Variants in ASS1 observed in about 807,000 individuals in gnomAD.
ASS1 encodes argininosuccinate synthase 1.
ASS1 carries 58 observed loss-of-function variants against 60.5 expected under a neutral mutation model. The observed-to-expected ratio is 0.96, with a 90% CI of 0.78 to 1.19. ASS1 has a LOEUF of 1.19. Ranked by LOEUF, ASS1 falls within the 50% of genes most tolerant of loss-of-function variation. The pLI, the probability that ASS1 is intolerant of heterozygous loss-of-function variation, is 0.00. For missense variants in ASS1, 454 were observed against 547.3 expected (o/e 0.83, Z 1.70); for synonymous variants, 200 against 206.9 (o/e 0.97, Z 0.29).
chr9:130,453,904 G>A (rs1845379262), intron 2 of ASS1, among the ~76,000 whole-genome samples: 1 of 152,246 alleles, frequency 6.6e-6, no homozygotes, highest in African/African-American at 2.4e-5. Context: ...AGGGAGGAGA[G>A]CTGGAGGCTA....
chr9:130,499,600 C>T (rs1846691026), intron 14 of ASS1, 30 bp downstream of exon 14: 2 of 1,599,240 alleles, frequency 1.3e-6, no homozygotes, highest in Non-Finnish European at 1.7e-6. Flanking sequence ...GACGGGCCTT[C>T]AGAGCCTCCA....
chr9:130,457,417 G>C (rs750354816), intron 3 of ASS1, among the ~76,000 whole-genome samples: 3 of 152,096 alleles, frequency 2.0e-5, no homozygotes, highest in Non-Finnish European at 4.4e-5. Context: ...GCTGCAGTGA[G>C]CTAGGATCAC....
chr9:130,493,112 G>A (rs976997265), intron 12 of ASS1, among the ~76,000 whole-genome samples: 4 of 152,118 alleles, frequency 2.6e-5, no homozygotes, highest in Non-Finnish European at 5.9e-5. Flanking sequence ...TGGGGGGCTG[G>A]GAGAACATCA....
In ASS1 at chr9:130,470,854, G is replaced by A. The variant is rs139581143; in HGVS notation, c.516G>A (p.Pro172=). 1.8e-5 allele frequency: 29 copies of A among 1,613,898 alleles called. No individual in the cohort carries two copies. Among genetic ancestry groups the A allele is most frequent in the African/African-American group, 2.7e-5 (2 of 74,870 alleles). ...TGCAGCAACACGGGATTCCCATCCCGGTCACTCCCAAGAACCCGTGGAGCA... is the reference window on the plus strand; with the variant it reads ...TGCAGCAACACGGGATTCCCATCCCAGTCACTCCCAAGAACCCGTGGAGCA... The part of the protein sequence containing the change: ...EYAKQHGIPI[P]VTPKNPWSMD... Residue 172 remains proline, a synonymous_variant, in exon 7 of 15, where the codon CCG becomes CCA. Coordinates refer to ENST00000352480, the MANE Select transcript of ASS1 (RefSeq NM_054012.4). The surrounding 1 kb of genome is among the most constrained non-coding windows in gnomAD (Gnocchi z 4.3).
In ASS1 at chr9:130,489,902, G is replaced by A. The variant is rs1846408209; in HGVS notation, c.970+438G>A. 6.6e-6 allele frequency among the ~76,000 whole-genome samples: 1 copy of A among 152,230 alleles called. No homozygotes were observed. Among genetic ancestry groups the A allele is most frequent in the Admixed American group, 6.5e-5 (1 of 15,290 alleles). On this transcript the variant is annotated intron_variant, in intron 12 of 14. Coordinates refer to ENST00000352480, the MANE Select transcript of ASS1 (RefSeq NM_054012.4). The surrounding 1 kb of genome is among the most constrained non-coding windows in gnomAD (Gnocchi z 4.1). ...CATAAAACCAGAAGTGGCCTAGCTG[G>A]GTTTGACCCCCAAGTCAGGCTGTCT...
At chr9:130,493,559 C>G (rs1289387519) in intron 12 of ASS1, among the ~76,000 whole-genome samples, 6 of 152,196 alleles carry the variant, frequency 3.9e-5, no homozygotes, top group African/African-American at 1.4e-4. Context: ...TCCCCTTTCC[C>G]ACGGAGGACC....
At position 130,480,449 on chromosome 9, in the gene ASS1, G is replaced by A. The variant is rs767470664; in HGVS notation, c.838G>A (p.Gly280Ser). ...ENRFIGMKSR[G>S]IYETPAGTIL... ...CCGCTTCATTGGAATGAAGTCCCGA[G>A]GTGAGTCTGCTCAGCCTCCCTCAGG... Residue 280 changes from glycine to serine, a missense_variant and splice_region_variant, in exon 11 of 15, where the codon GGT becomes AGT. Physicochemically the swap from Gly to Ser is moderately conservative, Grantham distance 56. Coordinates refer to ENST00000352480, the MANE Select transcript of ASS1 (RefSeq NM_054012.4). 2.5e-6 allele frequency: 4 copies of A among 1,614,006 alleles called. No individual in the cohort carries two copies. The highest frequency in any genetic ancestry group is 3.4e-6 in the Non-Finnish European group (4 of 1,180,006).
At chr9:130,473,461 G>C (rs973375535) in intron 8 of ASS1, among the ~76,000 whole-genome samples, 1 of 151,366 alleles carries the variant, frequency 6.6e-6, no homozygotes, top group Non-Finnish European at 1.5e-5. Context: ...CCTGCTGAGA[G>C]GCCCGGGGCA....
At chr9:130,482,315 G>T (rs1199659015) in intron 11 of ASS1, among the ~76,000 whole-genome samples, 4 of 149,482 alleles carry the variant, frequency 2.7e-5, no homozygotes, top group Admixed American at 6.6e-5. Flanking sequence ...TCTGGGAGCT[G>T]TCAGTGTGGC....
intron 1 of ASS1, among the ~76,000 whole-genome samples, chr9:130,445,878 C>T (rs1394312487): frequency 5.3e-5 from 8 of 152,230 alleles, no homozygotes; most frequent in African/African-American, 1.2e-4. Flanking sequence ...GACCTGTTCT[C>T]TCCCCAGGGG....
At position 130,488,328 on chromosome 9, in the gene ASS1, T is replaced by C. The variant is rs1208147034; in HGVS notation, c.839-1005T>C. Among the ~76,000 whole-genome samples the C allele has an allele frequency of 2.6e-5, 4 of 152,220 alleles. No individual in the cohort carries two copies. The East Asian group carries it at 7.7e-4, about 29-fold the overall frequency. On this transcript the variant is annotated intron_variant, in intron 11 of 14. Coordinates refer to ENST00000352480, the MANE Select transcript of ASS1 (RefSeq NM_054012.4). This position sits in a 1 kb window ranked among gnomAD's most constrained non-coding sequence, Gnocchi z 5.2. ...AAGGAAGCTCTCGGGGTAGAATCCA[T>C]GGAGATGGGGGAGCTATGGCCCCTG...
chr9:130,444,711 G>C (rs1270038934), upstream of ASS1, among the ~76,000 whole-genome samples: 1 of 151,928 alleles, frequency 6.6e-6, no homozygotes, highest in African/African-American at 2.4e-5. The surrounding 1 kb of genome is among the most constrained non-coding windows in gnomAD (Gnocchi z 4.7). Context: ...GCCCCCGCCG[G>C]CGCGCCCCTG....
intron 7 of ASS1, among the ~76,000 whole-genome samples, chr9:130,471,213 T>C (rs1180624508): frequency 6.6e-6 from 1 of 152,030 alleles, no homozygotes. Flanking sequence ...GGGAAGAGTG[T>C]TTAAGGCAGA....
chr9:130,449,635 T>TTC lies in ASS1; in HGVS notation c.-5-2589_-5-2588insTC, dbSNP rs367983254. Among the ~76,000 whole-genome samples the TTC allele has an allele frequency of 2.0e-5, 3 of 152,096 alleles. 1 individual carries two copies. Among genetic ancestry groups the TTC allele is most frequent in the African/African-American group, 7.2e-5 (3 of 41,412 alleles). ...GCAGGGGGTTAAGGAGCCGAGCTGA[T>TTC]CTGAGTTGGAGTCCTGGCTCTGCTG... is the stretch of plus-strand genomic sequence containing the variant. On this transcript the variant is annotated intron_variant, in intron 1 of 14. Transcript: ENST00000352480.
At chr9:130,482,054 T>G (rs1846186244) in intron 11 of ASS1, among the ~76,000 whole-genome samples, 1 of 151,938 alleles carries the variant, frequency 6.6e-6, no homozygotes, top group African/African-American at 2.4e-5. Context: ...CATTTACAGA[T>G]GCGGAAGCCA....
In ASS1 at chr9:130,499,575, G is replaced by A. The variant is rs765181610; in HGVS notation, c.1193+5G>A. 6.2e-7 allele frequency: 1 copy of A among 1,612,706 alleles called. No homozygotes were observed. The highest frequency in any genetic ancestry group is 8.5e-7 in the Non-Finnish European group (1 of 1,179,396). ...CATCAACATCAATTCCCTCAGGTGA[G>A]AAGCTCAGGGCCCTGACGGGCCTTC... On this transcript the variant is annotated splice_donor_5th_base_variant and intron_variant, in intron 14 of 14. Coordinates refer to ENST00000352480, the MANE Select transcript of ASS1 (RefSeq NM_054012.4).
rs796514957 is a variant in ASS1 at position 130,478,747 on chromosome 9, T to C, written c.689-969T>C. 3.3e-5 allele frequency among the ~76,000 whole-genome samples: 5 copies of C among 152,132 alleles called. No homozygotes were observed. The South Asian group carries it at 1.0e-3, about 32-fold the overall frequency. On this transcript the variant is annotated intron_variant, in intron 9 of 14. Coordinates refer to ENST00000352480, the MANE Select transcript of ASS1 (RefSeq NM_054012.4). This position sits in a 1 kb window ranked among gnomAD's most constrained non-coding sequence, Gnocchi z 4.7. ...AGAGGCGGGGGGTGGTGAGAGGGGC[T>C]TAAGGTTCATTATTGGGCAGACTTA...
chr9:130,468,446 C>G (rs936772337), intron 6 of ASS1, among the ~76,000 whole-genome samples: 1 of 152,170 alleles, frequency 6.6e-6, no homozygotes, highest in African/African-American at 2.4e-5. Context: ...GTGTCTCACT[C>G]TGTCACCCAG....
intron 13 of ASS1, among the ~76,000 whole-genome samples, chr9:130,498,522 G>A (rs1302780056): frequency 6.6e-6 from 1 of 152,196 alleles, no homozygotes; most frequent in African/African-American, 2.4e-5. Context: ...CTTGGCACCT[G>A]GCCCAGCATC....
Sources: gnomAD v4.1 joint callset for allele counts (sites outside exome capture counted in the v4.1 genomes callset) on GRCh38, gnomAD v4.1.1 for gene constraint, Gnocchi (gnomAD v3.1) non-coding constraint, MANE v1.5 for transcripts, NCBI Gene and HGNC (gene_info 2026-07-23, HGNC 2026-07-21) for gene names.